PPARD: variants seen among roughly 807,000 people sequenced by gnomAD.
PPARD encodes peroxisome proliferator-activated receptor delta.
PPARD carries 6 observed loss-of-function variants against 39.5 expected under a neutral mutation model. That is an observed-to-expected ratio of 0.15 (90% confidence interval 0.08 to 0.30). The LOEUF is 0.30. Ranked by LOEUF, PPARD falls within the 10% of genes least tolerant of loss-of-function variation. The pLI, the probability that PPARD is intolerant of heterozygous loss-of-function variation, is 1.00. For missense variants in PPARD, 397 were observed against 596.8 expected (o/e 0.67, Z 3.49); for synonymous variants, 210 against 231.3 (o/e 0.91, Z 0.83).
intron 3 of PPARD, among the ~76,000 whole-genome samples, chr6:35,414,660 G>A (rs1029731919): frequency 6.6e-6 from 1 of 152,184 alleles, no homozygotes; most frequent in Admixed American, 6.5e-5. Context: ...GGGCCAGCCA[G>A]GTGAGAGTCA....
chr6:35,345,790 T>C (rs1792136589), intron 1 of PPARD, among the ~76,000 whole-genome samples: 1 of 152,032 alleles, frequency 6.6e-6, no homozygotes, highest in Non-Finnish European at 1.5e-5. Flanking sequence ...TTGTGCAAGC[T>C]GTCTTCAGGG....
At chr6:35,383,907 G>A (rs1763337895) in intron 2 of PPARD, among the ~76,000 whole-genome samples, 1 of 144,632 alleles carries the variant, frequency 6.9e-6, no homozygotes, top group Admixed American at 6.6e-5. Flanking sequence ...GAGCGTCTCC[G>A]CCCGGCAGCC....
At chr6:35,356,080 G>C (rs1438726345) in intron 2 of PPARD, among the ~76,000 whole-genome samples, 2 of 152,114 alleles carry the variant, frequency 1.3e-5, no homozygotes, top group African/African-American at 4.8e-5. Flanking sequence ...TGGTAACTCA[G>C]CTTGGAAAGA....
At position 35,421,957 on chromosome 6, in the gene PPARD, C is replaced by T. The variant is rs201313294; in HGVS notation, c.423C>T (p.Asn141=). ...QKCLALGMSH[N]AIRFGRMPEA... ...GCCTGGCACTGGGCATGTCACACAACGGTGAGAGCTGACCAGGGCAACTCA... is the reference window on the plus strand; with the variant it reads ...GCCTGGCACTGGGCATGTCACACAATGGTGAGAGCTGACCAGGGCAACTCA... The change falls in exon 5 of 8, where the codon AAC becomes AAT. Residue 141 remains asparagine, a splice_region_variant and synonymous_variant. Transcript: ENST00000360694. The T allele has an allele frequency of 4.4e-5, 70 of 1,608,198 alleles. No individual in the cohort carries two copies. The Admixed American group carries it at 6.6e-4, about 15-fold the overall frequency.
chr6:35,403,803 C>T (rs937065830), intron 2 of PPARD, among the ~76,000 whole-genome samples: 4 of 152,010 alleles, frequency 2.6e-5, no homozygotes, highest in Non-Finnish European at 4.4e-5. Context: ...AGACAGGTCG[C>T]GAAGGAGAGA....
At chr6:35,399,517 C>A (rs1252018237) in intron 2 of PPARD, among the ~76,000 whole-genome samples, 3 of 151,472 alleles carry the variant, frequency 2.0e-5, no homozygotes, top group Non-Finnish European at 4.4e-5. Context: ...CAGTTCAAGA[C>A]CAGCCTGGCC....
chr6:35,379,533 T>C (rs1426035244), intron 2 of PPARD, among the ~76,000 whole-genome samples: 2 of 152,228 alleles, frequency 1.3e-5, no homozygotes, highest in African/African-American at 4.8e-5. Context: ...GATACGGAAA[T>C]AGTAATGCCA....
At chr6:35,368,580 G>A (rs1290679072) in intron 2 of PPARD, among the ~76,000 whole-genome samples, 1 of 152,132 alleles carries the variant, frequency 6.6e-6, no homozygotes, top group Non-Finnish European at 1.5e-5. Context: ...GCCTGGTTGG[G>A]AAACCAATGA....
At chr6:35,377,495 A>G (rs1055264636) in intron 2 of PPARD, among the ~76,000 whole-genome samples, 11 of 152,150 alleles carry the variant, frequency 7.2e-5, no homozygotes, top group Non-Finnish European at 1.6e-4. Context: ...AAATTGAACT[A>G]TTTGCATACC....
intron 2 of PPARD, among the ~76,000 whole-genome samples, chr6:35,398,200 C>T (rs771383156): frequency 1.3e-5 from 2 of 152,098 alleles, no homozygotes; most frequent in African/African-American, 4.8e-5. Context: ...ACTTTGACTG[C>T]TGTACAGAGA....
intron 2 of PPARD, among the ~76,000 whole-genome samples, chr6:35,391,997 G>C (rs140376668): frequency 6.8e-4 from 104 of 152,076 alleles, no homozygotes; most frequent in Middle Eastern, 3.4e-3. Flanking sequence ...TGTTGTGCTC[G>C]GAACCAAGCA....
Position 35,380,455 on chromosome 6 carries a change from TCG to T in PPARD, c.-101-30531_-101-30530del, listed in dbSNP as rs1354897021. 4.9e-3 allele frequency among the ~76,000 whole-genome samples: 627 copies of T among 127,052 alleles called. 3 individuals are homozygous for T. Among genetic ancestry groups the T allele is most frequent in the African/African-American group, 0.018 (579 of 32,966 alleles). 83.4% of individuals were successfully genotyped at this position (127,052 alleles called of 152,430 possible). Reference sequence around the variant, plus strand: ...AATTCATACTCAGAGCCAATTAACCTCGTGTTTTTTTTTTTTGTTTGTTTTTT... The same window carrying T: ...AATTCATACTCAGAGCCAATTAACCTTGTTTTTTTTTTTTGTTTGTTTTTT... On this transcript the variant is annotated intron_variant, in intron 2 of 7. Transcript: ENST00000360694.
Position 35,425,720 on chromosome 6 carries a change from C to T in PPARD, c.1079-112C>T. ...CATTGCTGATGGGACAGGGCTTGGT[C>T]TGTCACGGCCAAGGAGGCCTGCCGT... is the stretch of plus-strand genomic sequence containing the variant. On this transcript the variant is annotated intron_variant, in intron 7 of 7. Transcript: ENST00000360694. The surrounding 1 kb of genome is among the most constrained non-coding windows in gnomAD (Gnocchi z 4.5). The T allele has an allele frequency of 2.1e-6, 3 of 1,462,604 alleles. No individual in the cohort carries two copies. The highest frequency in any genetic ancestry group is 2.8e-6 in the Non-Finnish European group (3 of 1,078,962). 90.6% of individuals were successfully genotyped at this position (1,462,604 alleles called of 1,614,324 possible).
rs1317583804 is a variant in PPARD at position 35,383,988 on chromosome 6, TG to T, written c.-101-26992del. 8.5e-5 allele frequency among the ~76,000 whole-genome samples: 9 copies of T among 105,910 alleles called. 1 individual carries two copies. The highest frequency in any genetic ancestry group is 3.4e-4 in the African/African-American group (7 of 20,510). The allele number at this position is 105,910 out of a possible 152,430, so 69.5% of individuals were successfully genotyped here. A position where few individuals can be genotyped will look rare whatever the true frequency, so the allele number is the denominator to read the frequency against. On this transcript the variant is annotated intron_variant, in intron 2 of 7. Transcript: ENST00000360694. ...CCAGCAGCCCCATCCGGGAGGGAGG[TG>T]GGGGGGTCAGCCCCACGCCCCGCCA... is the stretch of plus-strand genomic sequence containing the variant.
chr6:35,379,498 T>A (rs557916323), intron 2 of PPARD, among the ~76,000 whole-genome samples: 9 of 152,350 alleles, frequency 5.9e-5, no homozygotes, highest in African/African-American at 1.9e-4. Flanking sequence ...ATGTGTTCAG[T>A]ACTGTGCTGG....
chr6:35,427,728 G>A lies in PPARD; in HGVS notation c.*1649G>A, dbSNP rs200672782. 1 of 152,526 alleles carries A rather than the reference G, an allele frequency of 6.6e-6. No homozygotes were observed. Among genetic ancestry groups the A allele is most frequent in the Non-Finnish European group, 1.5e-5 (1 of 68,256 alleles). The allele number at this position is 152,526 out of a possible 1,614,324, so 9.4% of individuals were successfully genotyped here. ...GGGCTGGCTGGAGTCTCAGAGCACA[G>A]AGGTAGGAGAACTGGGGTTCAAGCC... is the stretch of plus-strand genomic sequence containing the variant. On this transcript the variant is annotated 3_prime_UTR_variant, in exon 8 of 8. Transcript: ENST00000360694.
intron 5 of PPARD, 33 bp from the exon 6 acceptor site, chr6:35,423,913 G>A (rs201164682): frequency 1.2e-6 from 2 of 1,609,680 alleles, no homozygotes; most frequent in African/African-American, 2.7e-5. Flanking sequence ...GGCCTGCCTG[G>A]GCTCCTTGCT....
intron 2 of PPARD, among the ~76,000 whole-genome samples, chr6:35,357,210 T>C (rs1761665424): frequency 6.6e-6 from 1 of 152,168 alleles, no homozygotes; most frequent in Admixed American, 6.5e-5. Flanking sequence ...ACCACATCAG[T>C]TTTCCTCTCC....
chr6:35,402,237 A>T (rs1764739850), intron 2 of PPARD, among the ~76,000 whole-genome samples: 1 of 152,164 alleles, frequency 6.6e-6, no homozygotes, highest in Non-Finnish European at 1.5e-5. Context: ...TACCCTTAAC[A>T]TTTGTGGCCA....
Sources: allele counts gnomAD v4.1 joint callset (sites outside exome capture counted in the v4.1 genomes callset), GRCh38; gene constraint gnomAD v4.1.1; non-coding constraint Gnocchi (gnomAD v3.1); transcripts MANE v1.5; gene names NCBI Gene and HGNC (gene_info 2026-07-23, HGNC 2026-07-21).